The following PEBP4 variants were observed in gnomAD, a reference collection of about 807,000 sequenced individuals.
PEBP4 encodes the protein phosphatidylethanolamine binding protein 4.
In PEBP4, 22 loss-of-function variants were observed where a neutral mutation model predicts 23.9. The ratio of observed to expected loss-of-function variants is 0.92; its 90% CI spans 0.66 to 1.31. PEBP4 has a LOEUF of 1.31. Among genes scored for constraint, PEBP4 ranks in the 40% most tolerant of loss-of-function variants. PEBP4 has a pLI of 0.00. For missense variants in PEBP4, 324 were observed against 281.7 expected (o/e 1.15, Z -1.07); for synonymous variants, 112 against 99.3 (o/e 1.13, Z -0.76).
intron 4 of PEBP4, among the ~76,000 whole-genome samples, chr8:22,746,820 C>T (rs1805129873): frequency 6.6e-6 from 1 of 152,132 alleles, no homozygotes; most frequent in African/African-American, 2.4e-5. Flanking sequence ...GAGTAGCTGC[C>T]AGCTGCCTGT....
intron 3 of PEBP4, among the ~76,000 whole-genome samples, chr8:22,842,873 G>T (rs972767162): frequency 6.6e-6 from 1 of 152,168 alleles, no homozygotes; most frequent in Non-Finnish European, 1.5e-5. Context: ...TGTTGCCCAG[G>T]CTGGAGTGCA....
At chr8:22,891,518 G>A (rs1808494327) in intron 3 of PEBP4, among the ~76,000 whole-genome samples, 2 of 152,214 alleles carry the variant, frequency 1.3e-5, no homozygotes, top group South Asian at 4.1e-4. Context: ...GTCTGGGTGT[G>A]GGGATGACAA....
chr8:22,725,808 A>G (rs1450177886), intron 5 of PEBP4, among the ~76,000 whole-genome samples: 1 of 152,050 alleles, frequency 6.6e-6, no homozygotes, highest in Non-Finnish European at 1.5e-5. Context: ...GGGAGGGAGT[A>G]TTGGTCCTTT....
At chr8:22,851,526 T>C (rs1300456857) in intron 3 of PEBP4, among the ~76,000 whole-genome samples, 2 of 152,134 alleles carry the variant, frequency 1.3e-5, no homozygotes, top group African/African-American at 4.8e-5. Flanking sequence ...TCAGGAAAGC[T>C]AAGCAACTTG....
chr8:22,887,721 T>G (rs1808412289), intron 3 of PEBP4: 1 of 152,152 alleles, frequency 6.6e-6, no homozygotes, highest in Non-Finnish European at 1.5e-5. Context: ...GCCATGATCA[T>G]ATTTGCCAGC....
intron 4 of PEBP4, among the ~76,000 whole-genome samples, chr8:22,728,685 C>T (rs769539926): frequency 1.3e-5 from 2 of 151,560 alleles, no homozygotes; most frequent in Non-Finnish European, 2.9e-5. Context: ...GCAACCTCCG[C>T]CTCCCAGGTT....
intron 4 of PEBP4, among the ~76,000 whole-genome samples, chr8:22,792,330 C>T (rs1257336119): frequency 6.6e-6 from 1 of 152,096 alleles, no homozygotes; most frequent in African/African-American, 2.4e-5. Flanking sequence ...CAGGTGACAT[C>T]TCAGGGCTGC....
At chr8:22,852,892 C>T (rs1324239342) in intron 3 of PEBP4, among the ~76,000 whole-genome samples, 1 of 152,190 alleles carries the variant, frequency 6.6e-6, no homozygotes, top group Admixed American at 6.5e-5. Context: ...CACTGCATTC[C>T]TTTGCAATCC....
chr8:22,901,159 G>T (rs776002934), intron 3 of PEBP4, among the ~76,000 whole-genome samples: 1 of 152,080 alleles, frequency 6.6e-6, no homozygotes, highest in African/African-American at 2.4e-5. Context: ...TATATTCCAC[G>T]GACAGGCCTG....
At chr8:22,784,925 G>A (rs545555734) in intron 4 of PEBP4, among the ~76,000 whole-genome samples, 1 of 152,300 alleles carries the variant, frequency 6.6e-6, no homozygotes, top group East Asian at 1.9e-4. Context: ...GAACGCTCTG[G>A]GATCCATCTG....
intron 4 of PEBP4, among the ~76,000 whole-genome samples, chr8:22,783,918 G>A (rs916130889): frequency 1.3e-5 from 2 of 152,348 alleles, no homozygotes; most frequent in East Asian, 1.9e-4. Flanking sequence ...GGGCCACCAC[G>A]CTGGTCTGGC....
chr8:22,889,436 T>C (rs1808447738), intron 3 of PEBP4, among the ~76,000 whole-genome samples: 2 of 152,188 alleles, frequency 1.3e-5, no homozygotes, highest in African/African-American at 4.8e-5. Context: ...TACCCTGTTC[T>C]CCTTTCTGCT....
At chr8:22,911,293 G>A (rs1471562260) in intron 3 of PEBP4, among the ~76,000 whole-genome samples, 1 of 152,054 alleles carries the variant, frequency 6.6e-6, no homozygotes, top group Non-Finnish European at 1.5e-5. Context: ...GGAAGAATGA[G>A]AGATGCCCTC....
chr8:22,837,157 C>T (rs1330481937), intron 3 of PEBP4, among the ~76,000 whole-genome samples: 5 of 152,180 alleles, frequency 3.3e-5, no homozygotes, highest in African/African-American at 1.2e-4. Flanking sequence ...CACCTTTCCC[C>T]ATCCTTTCTG....
intron 4 of PEBP4, among the ~76,000 whole-genome samples, chr8:22,801,680 C>T (rs899591315): frequency 8.5e-5 from 13 of 152,090 alleles, no homozygotes; most frequent in African/African-American, 2.7e-4. Context: ...CAAAAGCACA[C>T]GTAGATGGGC....
intron 3 of PEBP4, among the ~76,000 whole-genome samples, chr8:22,830,788 C>T (rs1291054516): frequency 6.6e-6 from 1 of 152,176 alleles, no homozygotes; most frequent in Non-Finnish European, 1.5e-5. Context: ...TCCCCCCTAT[C>T]ACCACTACCA....
At chr8:22,898,104 C>A (rs190226839) in intron 3 of PEBP4, among the ~76,000 whole-genome samples, 1 of 152,050 alleles carries the variant, frequency 6.6e-6, no homozygotes, top group Non-Finnish European at 1.5e-5. Flanking sequence ...TTAATGCCAC[C>A]CAGCCAGCCA....
At chr8:22,826,368 C>G (rs953788856) in intron 3 of PEBP4, among the ~76,000 whole-genome samples, 24 of 152,164 alleles carry the variant, frequency 1.6e-4, no homozygotes, top group African/African-American at 5.3e-4. Flanking sequence ...GAGTGATGTG[C>G]CTTTTTACTC....
chr8:22,744,720 G>C (rs546526798), intron 4 of PEBP4: 2 of 152,346 alleles, frequency 1.3e-5, no homozygotes, highest in Non-Finnish European at 2.9e-5. Flanking sequence ...TGGATGGGGA[G>C]AGTGGGGAGC....
Sources: gnomAD v4.1 joint callset for allele counts (sites outside exome capture counted in the v4.1 genomes callset) on GRCh38, gnomAD v4.1.1 for gene constraint, MANE v1.5 for transcripts, NCBI Gene and HGNC (gene_info 2026-07-23, HGNC 2026-07-21) for gene names.